Variants in HEATR5B observed in about 807,000 individuals in gnomAD.
The protein encoded by HEATR5B is HEAT repeat containing 5B.
HEATR5B carries 156 observed loss-of-function variants against 224.1 expected under a neutral mutation model. The observed-to-expected ratio is 0.70, with a 90% CI of 0.61 to 0.80. The LOEUF (loss-of-function observed/expected upper bound fraction) is 0.80. Ranked by LOEUF, HEATR5B falls within the 30% of genes least tolerant of loss-of-function variation. The probability of loss-of-function intolerance (pLI) is 0.00; values close to 1 mark genes in which losing one functional copy is unlikely to be tolerated. For missense variants in HEATR5B, 2,323 were observed against 2,535.5 expected (o/e 0.92, Z 1.80); for synonymous variants, 1,027 against 893.0 (o/e 1.15, Z -2.68).
At chr2:37,082,286 G>A (rs1231222415) in intron 2 of HEATR5B, among the ~76,000 whole-genome samples, 1 of 151,634 alleles carries the variant, frequency 6.6e-6, no homozygotes, top group African/African-American at 2.4e-5. Context: ...CACCATGTTG[G>A]CCAGGCTAGT....
In HEATR5B at chr2:37,013,956, T is replaced by C. The variant is rs768721681; in HGVS notation, c.4169A>G (p.Asn1390Ser). 7.4e-6 allele frequency: 12 copies of C among 1,612,470 alleles called. No individual in the cohort carries two copies. The Admixed American group carries it at 1.0e-4, about 13-fold the overall frequency. ...SDLNDLRRVH[N>S]LLVSSLDKVQ... ...TTTGTCCAGAGAAGAAACAAGAAGA[T>C]TGTGTACTCGACGGAGATCATTGAG... Residue 1390 changes from asparagine to serine, a missense_variant, in exon 27 of 36, where the codon AAT (asparagine) becomes AGT (serine). Physicochemically the swap from Asn to Ser is conservative, Grantham distance 46. Transcript: ENST00000233099.
At chr2:37,065,618 G>A in intron 9 of HEATR5B, 137 bp downstream of exon 9, 1 of 778,284 alleles carries the variant, frequency 1.3e-6, no homozygotes, top group Non-Finnish European at 2.0e-6. Context: ...CTATCACAAT[G>A]AATATTAATT....
At chr2:36,986,652 C>G (rs1012413959) in intron 35 of HEATR5B, among the ~76,000 whole-genome samples, 1 of 152,122 alleles carries the variant, frequency 6.6e-6, no homozygotes, top group Non-Finnish European at 1.5e-5. Context: ...GAGTCTCGCT[C>G]TGTCACCCAG....
Position 37,064,794 on chromosome 2 carries a change from A to G in HEATR5B, c.1530T>C (p.Ala510=), listed in dbSNP as rs144766774. ...GACACTGATGTACTCCACCTAACAAAGCAGCCATTGCAAAACTATATCCAC... is the reference window on the plus strand; with the variant it reads ...GACACTGATGTACTCCACCTAACAAGGCAGCCATTGCAAAACTATATCCAC... ...AVSGYSFAMA[A]LLGGVHQCPL... The change falls in exon 10 of 36, where the codon GCT becomes GCC. Residue 510 remains alanine, a synonymous_variant. Coordinates refer to ENST00000233099, the MANE Select transcript of HEATR5B (RefSeq NM_019024.3). 1 of 1,614,082 alleles carries G rather than the reference A, an allele frequency of 6.2e-7. No homozygotes were observed.
chr2:37,074,209 G>C (rs748572988), intron 5 of HEATR5B, among the ~76,000 whole-genome samples: 1 of 151,838 alleles, frequency 6.6e-6, no homozygotes, highest in Non-Finnish European at 1.5e-5. Context: ...TGTAGTCCCA[G>C]CTACTTGGGA....
At chr2:36,988,155 G>A (rs1217616647) in intron 35 of HEATR5B, among the ~76,000 whole-genome samples, 5 of 151,568 alleles carry the variant, frequency 3.3e-5, no homozygotes, top group African/African-American at 1.2e-4. Flanking sequence ...AAAAAAAATC[G>A]CTGTGTTGAA....
chr2:37,072,373 A>G (rs1251486474), intron 5 of HEATR5B, 92 bp from the exon 6 acceptor site: 1 of 797,960 alleles, frequency 1.3e-6, no homozygotes, highest in Non-Finnish European at 2.0e-6. Flanking sequence ...CTCTCCTGAG[A>G]TAACCAAAAA....
At chr2:37,056,869 C>T (rs949479217) in intron 15 of HEATR5B, among the ~76,000 whole-genome samples, 1 of 152,156 alleles carries the variant, frequency 6.6e-6, no homozygotes, top group Admixed American at 6.5e-5. Flanking sequence ...ATTGCGTGAA[C>T]AATATACACA....
chr2:37,064,791 CA>C lies in HEATR5B; in HGVS notation c.1532del (p.Leu511CysfsTer2), dbSNP rs1671489144. ...VSGYSFAMAA[L>X]LGGVHQCPLG... Reference sequence around the variant, plus strand: ...AAGGACACTGATGTACTCCACCTAACAAAGCAGCCATTGCAAAACTATATCC... The same window carrying C: ...AAGGACACTGATGTACTCCACCTAACAAGCAGCCATTGCAAAACTATATCC... On this transcript the variant is annotated frameshift_variant, in exon 10 of 36. Transcript: ENST00000233099. LOFTEE classifies it high-confidence loss of function. 1 of 1,613,952 alleles carries C rather than the reference CA, an allele frequency of 6.2e-7. No individual in the cohort carries two copies. Among genetic ancestry groups the C allele is most frequent in the African/African-American group, 1.3e-5 (1 of 74,896 alleles).
Position 37,005,664 on chromosome 2 carries a change from G to A in HEATR5B, c.4873C>T (p.Pro1625Ser), listed in dbSNP as rs746415194. ...TCTGCAATATGGACTCGAGCATAAG[G>A]GGAGTCTAGCAAGGTATGTAAGGCC... ...LQALHTLLDS[P>S]YARVHIAEDQ... is the part of the protein sequence containing the mutation. Residue 1625 changes from proline to serine, a missense_variant, in exon 30 of 36, where the codon CCT (proline) becomes TCT (serine). Pro to Ser is a moderately conservative substitution (Grantham distance 74, BLOSUM62 -1). This residue lies in a region of HEATR5B where 844 missense variants were observed against 812.9 expected (regional missense o/e 1.04). Coordinates refer to ENST00000233099, the MANE Select transcript of HEATR5B (RefSeq NM_019024.3). 2.5e-6 allele frequency: 4 copies of A among 1,613,516 alleles called. No homozygotes were observed. Among genetic ancestry groups the A allele is most frequent in the Admixed American group, 3.3e-5 (2 of 59,986 alleles).
intron 5 of HEATR5B, among the ~76,000 whole-genome samples, chr2:37,074,174 T>A (rs1314399450): frequency 6.6e-6 from 1 of 151,644 alleles, no homozygotes; most frequent in Non-Finnish European, 1.5e-5. Flanking sequence ...ACAAAAAAAA[T>A]TAGCTGGGCA....
intron 24 of HEATR5B, among the ~76,000 whole-genome samples, chr2:37,021,310 C>G (rs899350100): frequency 2.0e-5 from 3 of 152,164 alleles, no homozygotes; most frequent in African/African-American, 7.2e-5. Flanking sequence ...TGTGTCATTG[C>G]CTCATTTTAA....
At position 37,063,972 on chromosome 2, in the gene HEATR5B, C is replaced by T. The variant is rs532040391; in HGVS notation, c.1584+768G>A. Among the ~76,000 whole-genome samples the T allele has an allele frequency of 5.9e-5, 9 of 152,070 alleles. No individual in the cohort carries two copies. The South Asian group carries it at 8.3e-4, about 14-fold the overall frequency. ...GATTACAGGCATGGGCCACAATGCC[C>T]GGCTAATTTTTCTGTATTTTTAGTA... On this transcript the variant is annotated intron_variant, in intron 10 of 35. Coordinates refer to ENST00000233099, the MANE Select transcript of HEATR5B (RefSeq NM_019024.3).
intron 35 of HEATR5B, among the ~76,000 whole-genome samples, chr2:36,982,280 G>T (rs1022120271): frequency 6.6e-6 from 1 of 151,902 alleles, no homozygotes; most frequent in African/African-American, 2.4e-5. Context: ...CACAGTGAGG[G>T]GAAATTCCTC....
At chr2:37,077,825 TCA>T (rs1672326530) in intron 3 of HEATR5B, among the ~76,000 whole-genome samples, 1 of 152,226 alleles carries the variant, frequency 6.6e-6, no homozygotes, top group South Asian at 2.1e-4. Context: ...TTTGCATTGC[TCA>T]CAGTGTCTAC....
At chr2:37,029,469 G>C (rs577852745) in intron 22 of HEATR5B, among the ~76,000 whole-genome samples, 1 of 152,064 alleles carries the variant, frequency 6.6e-6, no homozygotes, top group Non-Finnish European at 1.5e-5. Context: ...TTCGAGACCA[G>C]CCTGGCCAAC....
At chr2:37,072,409 G>A in intron 5 of HEATR5B, 128 bp from the exon 6 acceptor site, 1 of 604,870 alleles carries the variant, frequency 1.7e-6, no homozygotes, top group African/African-American at 1.9e-5. Flanking sequence ...TGAAACAACA[G>A]TTTTCAAGAC....
chr2:37,006,087 T>A (rs1208293335), intron 29 of HEATR5B, among the ~76,000 whole-genome samples: 1 of 152,220 alleles, frequency 6.6e-6, no homozygotes, highest in Non-Finnish European at 1.5e-5. Flanking sequence ...ATTATAAAAT[T>A]GTTTTTCATT....
Position 37,007,177 on chromosome 2 carries a change from T to C in HEATR5B, c.4650A>G (p.Thr1550=). 2 of 1,614,146 alleles carry C rather than the reference T, an allele frequency of 1.2e-6. No homozygotes were observed. The highest frequency in any genetic ancestry group is 2.2e-5 in the South Asian group (2 of 91,076). ...GTAAACCAGATATTGCTGCTGCTTCTGTAGACTCTGAGCACGTAAATCCTG... is the reference window on the plus strand; with the variant it reads ...GTAAACCAGATATTGCTGCTGCTTCCGTAGACTCTGAGCACGTAAATCCTG... The part of the protein sequence containing the change: ...NSTGFTCSES[T]EAAAISGLQK... The change falls in exon 29 of 36, where the codon ACA becomes ACG. Residue 1550 remains threonine (T), a synonymous_variant. Coordinates refer to ENST00000233099, the MANE Select transcript of HEATR5B (RefSeq NM_019024.3).
Sources: gnomAD v4.1 joint callset for allele counts (sites outside exome capture counted in the v4.1 genomes callset) on GRCh38, gnomAD v4.1.1 for gene constraint, gnomAD v4.1.1 regional missense constraint, MANE v1.5 for transcripts, NCBI Gene and HGNC (gene_info 2026-07-23, HGNC 2026-07-21) for gene names.